Variants in FLT1 observed in about 807,000 individuals in gnomAD.
FLT1 encodes the protein fms related receptor tyrosine kinase 1, also known as vascular endothelial growth factor receptor 1.
FLT1 carries 49 observed loss-of-function variants against 156.3 expected under a neutral mutation model. The ratio of observed to expected loss-of-function variants is 0.31; its 90% CI spans 0.25 to 0.40. The LOEUF (loss-of-function observed/expected upper bound fraction) is 0.40. Among genes scored for constraint, FLT1 ranks in the 10% least tolerant of loss-of-function variants. The pLI is 1.00. For synonymous variants in FLT1, 594 were observed against 583.8 expected, an observed-to-expected ratio of 1.02 and a Z score of -0.25; for missense variants, 1,322 against 1,637.2, an observed-to-expected ratio of 0.81 and a Z score of 3.32.
chr13:28,473,744 A>G (rs1383023257), intron 1 of FLT1, among the ~76,000 whole-genome samples: 1 of 70,732 alleles, frequency 1.4e-5, no homozygotes, highest in African/African-American at 6.3e-5. Context: ...GAAGGAAGGA[A>G]GGAAGGAAGG....
In FLT1 at chr13:28,405,899, T is replaced by TA. The variant is rs55955231; in HGVS notation, c.1437-6dup. 0.09 allele frequency: 122,579 copies of TA among 1,363,332 alleles called. 2,708 individuals carry two copies. Among genetic ancestry groups the TA allele is most frequent in the African/African-American group, 0.14 (9,719 of 68,712 alleles). 84.5% of individuals were successfully genotyped at this position (1,363,332 alleles called of 1,614,324 possible). A position where few individuals can be genotyped will look rare whatever the true frequency, so the allele number is the denominator to read the frequency against. ...TTATTGGAACAAAAGTCACACCTATTAAAAAAAAAAGTTGTCACAATGTGG... is the reference window on the plus strand; with the variant it reads ...TTATTGGAACAAAAGTCACACCTATTAAAAAAAAAAAGTTGTCACAATGTGG... On this transcript the variant is annotated splice_region_variant and splice_polypyrimidine_tract_variant and intron_variant, in intron 10 of 29. Coordinates refer to ENST00000282397, the MANE Select transcript of FLT1 (RefSeq NM_002019.4).
intron 3 of FLT1, among the ~76,000 whole-genome samples, chr13:28,455,032 C>T (rs1879183405): frequency 6.6e-6 from 1 of 152,138 alleles, no homozygotes; most frequent in Non-Finnish European, 1.5e-5. Flanking sequence ...AGAGATATTT[C>T]ATCTTGGATA....
intron 14 of FLT1, among the ~76,000 whole-genome samples, chr13:28,373,190 G>A (rs1565991160): frequency 6.6e-6 from 1 of 152,180 alleles, no homozygotes; most frequent in Non-Finnish European, 1.5e-5. Flanking sequence ...GGGAGGGAAC[G>A]TGATATAGAG....
chr13:28,435,869 G>T (rs1420962194), intron 4 of FLT1, among the ~76,000 whole-genome samples: 1 of 151,912 alleles, frequency 6.6e-6, no homozygotes, highest in Non-Finnish European at 1.5e-5. Flanking sequence ...CAGGAATGCA[G>T]TCGGTGGGAA....
chr13:28,486,308 T>G (rs1425253395), intron 1 of FLT1, among the ~76,000 whole-genome samples: 1 of 152,216 alleles, frequency 6.6e-6, no homozygotes. Context: ...CAGTAGCTTT[T>G]CACAACAGTG....
At position 28,433,915 on chromosome 13, in the gene FLT1, T is replaced by C; in HGVS notation, c.717A>G (p.Pro239=). Residue 239 remains proline, a synonymous_variant, in exon 6 of 30, where the codon CCA becomes CCG. Coordinates refer to ENST00000282397, the MANE Select transcript of FLT1 (RefSeq NM_002019.4). ...IIDVQISTPR[P]VKLLRGHTLV... is the part of the protein sequence containing the mutation. ...GAGTATGGCCTCTAAGTAATTTGACTGGGCGTGGTGTGCTTATTTGGACAT... is the reference window on the plus strand; with the variant it reads ...GAGTATGGCCTCTAAGTAATTTGACCGGGCGTGGTGTGCTTATTTGGACAT... 1 of 1,614,188 alleles carries C rather than the reference T, an allele frequency of 6.2e-7. No homozygotes were observed. The highest frequency in any genetic ancestry group is 2.2e-5 in the East Asian group (1 of 44,874).
At chr13:28,402,253 G>A (rs147076435) in intron 11 of FLT1, among the ~76,000 whole-genome samples, 16 of 152,256 alleles carry the variant, frequency 1.1e-4, no homozygotes, top group African/African-American at 3.9e-4. Flanking sequence ...ACCATGTGAC[G>A]GTGGATAAAG....
chr13:28,360,709 G>C (rs1873082104), intron 14 of FLT1, among the ~76,000 whole-genome samples: 2 of 152,126 alleles, frequency 1.3e-5, no homozygotes, highest in Admixed American at 1.3e-4. Flanking sequence ...ATACGGACAG[G>C]GAAGATATTG....
chr13:28,398,833 G>A lies in FLT1; in HGVS notation c.1552-1765C>T, dbSNP rs376317656. On this transcript the variant is annotated intron_variant, in intron 11 of 29. Transcript: ENST00000282397. ...AACATTATCATTCTTTAAGGTGATA[G>A]AGAAGAATTTCCCTCCTTGAAGATC... Among the ~76,000 whole-genome samples, 415 of 152,310 alleles carry A rather than the reference G, an allele frequency of 2.7e-3. 1 individual carries two copies. Among genetic ancestry groups the A allele is most frequent in the African/African-American group, 9.6e-3 (401 of 41,568 alleles).
chr13:28,444,221 C>A (rs961589727), intron 3 of FLT1, among the ~76,000 whole-genome samples: 2 of 152,140 alleles, frequency 1.3e-5, no homozygotes, highest in Non-Finnish European at 2.9e-5. Flanking sequence ...GCAGGTGGAT[C>A]ACTTGAGGTC....
At chr13:28,434,516 C>G (rs905741961) in intron 4 of FLT1, among the ~76,000 whole-genome samples, 2 of 152,222 alleles carry the variant, frequency 1.3e-5, no homozygotes, top group African/African-American at 2.4e-5. Context: ...TCATGTCAGA[C>G]TTTCAGTTGG....
intron 25 of FLT1, among the ~76,000 whole-genome samples, chr13:28,316,581 G>T (rs1452772258): frequency 6.6e-6 from 1 of 151,810 alleles, no homozygotes; most frequent in African/African-American, 2.4e-5. Context: ...ATGGACACCC[G>T]AAAAGCCATC....
At chr13:28,466,737 G>T in intron 3 of FLT1, 166 bp downstream of exon 3, 1 of 699,084 alleles carries the variant, frequency 1.4e-6, no homozygotes, top group East Asian at 2.7e-5. Flanking sequence ...TGACAATTCT[G>T]GTTAAAATTG....
At chr13:28,356,961 G>T (rs1872920748) in intron 15 of FLT1, among the ~76,000 whole-genome samples, 1 of 152,194 alleles carries the variant, frequency 6.6e-6, no homozygotes. Context: ...GTATTTTGCT[G>T]CTGAGCAAAC....
chr13:28,309,975 C>T (rs1008112124), intron 27 of FLT1, among the ~76,000 whole-genome samples: 11 of 148,724 alleles, frequency 7.4e-5, no homozygotes, highest in Non-Finnish European at 1.6e-4. Context: ...CTGAAACCTC[C>T]GCCTCCCTGG....
At chr13:28,463,314 A>C (rs1879688324) in intron 3 of FLT1, among the ~76,000 whole-genome samples, 1 of 152,206 alleles carries the variant, frequency 6.6e-6, no homozygotes. Context: ...GTTACATCCT[A>C]ATCAGTGCTC....
chr13:28,418,385 A>G (rs563847356), intron 10 of FLT1, among the ~76,000 whole-genome samples: 1 of 152,308 alleles, frequency 6.6e-6, no homozygotes, highest in South Asian at 2.1e-4. Flanking sequence ...CTAACTCAAC[A>G]GATGGGTCAG....
rs139867137 is a variant in FLT1 at position 28,338,642 on chromosome 13, T to C, written c.2488+526A>G. Among the ~76,000 whole-genome samples the C allele has an allele frequency of 1.8e-3, 279 of 152,316 alleles. 2 individuals are homozygous for C. The highest frequency in any genetic ancestry group is 6.3e-3 in the African/African-American group (261 of 41,570). ...ACATTCCCAGGAAAATCAAAGTATG[T>C]AATTTGTGGATTTGTGCAGAGGGTT... On this transcript the variant is annotated intron_variant, in intron 17 of 29. Transcript: ENST00000282397.
chr13:28,329,534 G>A (rs1871833240), intron 19 of FLT1, 81 bp downstream of exon 19: 2 of 997,626 alleles, frequency 2.0e-6, no homozygotes, highest in Non-Finnish European at 1.6e-6. Context: ...ACAGTGCGGG[G>A]GAGAAGGAGC....
Sources: gnomAD v4.1 joint callset for allele counts (sites outside exome capture counted in the v4.1 genomes callset) on GRCh38, gnomAD v4.1.1 for gene constraint, MANE v1.5 for transcripts, NCBI Gene and HGNC (gene_info 2026-07-23, HGNC 2026-07-21) for gene names.